Variants in ARMC2 observed in about 807,000 individuals in gnomAD.
The protein encoded by ARMC2 is armadillo repeat-containing protein 2.
A neutral mutation model predicts 90.3 loss-of-function variants in ARMC2; 67 were observed. The observed-to-expected ratio is 0.74, with a 90% CI of 0.61 to 0.91. The LOEUF is 0.91. Among genes scored for constraint, ARMC2 ranks in the 40% least tolerant of loss-of-function variants. The pLI is 0.00. For synonymous variants in ARMC2, 393 were observed against 393.0 expected (o/e 1.00, Z 0.00); for missense variants, 920 against 1,030.9 (o/e 0.89, Z 1.47).
At chr6:108,937,044 A>G in intron 12 of ARMC2, 45 bp downstream of exon 12, 1 of 1,454,102 alleles carries the variant, frequency 6.9e-7, no homozygotes, top group Non-Finnish European at 9.4e-7. Flanking sequence ...CTTTACACTA[A>G]TGTGTTTGTG....
chr6:108,916,060 C>T lies in ARMC2; in HGVS notation c.1350+3502C>T, dbSNP rs62427188. Among the ~76,000 whole-genome samples, 702 of 132,156 alleles carry T rather than the reference C, an allele frequency of 5.3e-3. 15 individuals carry two copies. The East Asian group carries it at 0.091, about 17-fold the overall frequency. The allele number at this position is 132,156 out of a possible 152,430, so 86.7% of individuals were successfully genotyped here. A position where few individuals can be genotyped will look rare whatever the true frequency, so the allele number is the denominator to read the frequency against. On this transcript the variant is annotated intron_variant, in intron 10 of 17. Transcript: ENST00000392644. ...GAAGGAAAAGCTCCTTCAAAGCAGA[C>T]GGACTAATGTTGCTTAGAGGAAAAA... is the stretch of plus-strand genomic sequence containing the variant.
At chr6:108,874,326 C>T (rs769314781) in intron 4 of ARMC2, among the ~76,000 whole-genome samples, 2 of 152,204 alleles carry the variant, frequency 1.3e-5, no homozygotes, top group Non-Finnish European at 2.9e-5. Context: ...GACTTGTTCA[C>T]CATGGCTTCA....
intron 8 of ARMC2, chr6:108,907,767 C>A: frequency 6.2e-7 from 1 of 1,610,908 alleles, no homozygotes; most frequent in East Asian, 2.2e-5. Flanking sequence ...TGAAACGCTC[C>A]GAAAATGCCA....
chr6:108,908,096 C>T (rs1483533077), intron 8 of ARMC2, among the ~76,000 whole-genome samples: 1 of 151,958 alleles, frequency 6.6e-6, no homozygotes, highest in Non-Finnish European at 1.5e-5. Context: ...CACATGCATC[C>T]CCTGGGGATC....
chr6:108,920,526 G>A (rs1174862122), intron 10 of ARMC2, among the ~76,000 whole-genome samples: 3 of 152,142 alleles, frequency 2.0e-5, no homozygotes, highest in Non-Finnish European at 4.4e-5. Flanking sequence ...TCCTAGGAAG[G>A]AGCTGTCTAT....
rs1583049016 is a variant in ARMC2 at position 108,899,573 on chromosome 6, C to A, written c.749-121C>A. On this transcript the variant is annotated intron_variant, in intron 6 of 17. Transcript: ENST00000392644. Reference sequence around the variant, plus strand: ...ATGAGAAATAGTCAGGCTTGGAGAGCAAAGGGTAATTTAATTCTCTAGTTT... The same window carrying A: ...ATGAGAAATAGTCAGGCTTGGAGAGAAAAGGGTAATTTAATTCTCTAGTTT... The A allele has an allele frequency of 1.9e-5, 14 of 749,162 alleles. No homozygotes were observed. In the East Asian group the frequency reaches 3.8e-4, roughly 20 times the overall value. 46.4% of individuals were successfully genotyped at this position (749,162 alleles called of 1,614,324 possible).
intron 10 of ARMC2, among the ~76,000 whole-genome samples, chr6:108,924,500 A>G (rs9717246): frequency 7.8e-4 from 8 of 10,312 alleles, no homozygotes; most frequent in Admixed American, 2.6e-3. Flanking sequence ...AAGAAAAAAG[A>G]AAAAAATGAG....
rs114725190 is a variant in ARMC2, at chr6:108,892,370, C to T, written c.672-2097C>T. On this transcript the variant is annotated intron_variant, in intron 5 of 17. Transcript: ENST00000392644. ...GTATTTTTATTATGTACAAATAAAG[C>T]AGTTATTTCTGAATATTAATTAGAC... is the stretch of plus-strand genomic sequence containing the variant. Among the ~76,000 whole-genome samples, 633 of 152,092 alleles carry T rather than the reference C, an allele frequency of 4.2e-3. 4 individuals carry two copies. Among genetic ancestry groups the T allele is most frequent in the African/African-American group, 0.014 (594 of 41,466 alleles).
chr6:109,003,214 A>C, the ARMC2 span, among the ~76,000 whole-genome samples: 16 of 151,520 alleles, frequency 1.1e-4, no homozygotes, highest in Non-Finnish European at 1.8e-4. Context: ...TCATTTAAAA[A>C]TTTTTTTTAG....
At chr6:108,937,417 A>G (rs1459993751) in intron 12 of ARMC2, among the ~76,000 whole-genome samples, 1 of 152,096 alleles carries the variant, frequency 6.6e-6, no homozygotes, top group African/African-American at 2.4e-5. Context: ...AGCCATCTGC[A>G]TTTTAACAAG....
the ARMC2 span, among the ~76,000 whole-genome samples, chr6:109,008,341 T>C: frequency 6.6e-6 from 1 of 152,242 alleles, no homozygotes; most frequent in Non-Finnish European, 1.5e-5. Context: ...CTGTTTTCAC[T>C]TTTTGGTAAA....
chr6:108,966,676 A>C (rs1778398192), intron 17 of ARMC2, among the ~76,000 whole-genome samples: 1 of 152,070 alleles, frequency 6.6e-6, no homozygotes, highest in Non-Finnish European at 1.5e-5. Flanking sequence ...ATGAGCATTA[A>C]ACTGACTCAG....
At chr6:108,892,782 G>A (rs1364913387) in intron 5 of ARMC2, among the ~76,000 whole-genome samples, 1 of 150,910 alleles carries the variant, frequency 6.6e-6, no homozygotes, top group African/African-American at 2.4e-5. Context: ...AAAAAAGGTG[G>A]GGGGAACATG....
the ARMC2 span, among the ~76,000 whole-genome samples, chr6:108,981,905 G>A: frequency 3.9e-5 from 6 of 152,086 alleles, no homozygotes; most frequent in African/African-American, 1.4e-4. Flanking sequence ...GGCCTCAAGT[G>A]ATCCACCTGC....
At chr6:109,042,647 T>C in the ARMC2 span, among the ~76,000 whole-genome samples, 3 of 151,904 alleles carry the variant, frequency 2.0e-5, no homozygotes, top group African/African-American at 7.2e-5. Flanking sequence ...CATAACTCCA[T>C]AACTCACCTA....
the ARMC2 span, chr6:108,987,743 G>T: frequency 1.9e-6 from 1 of 526,514 alleles, no homozygotes; most frequent in Non-Finnish European, 3.4e-6. Context: ...TTCCTATGTA[G>T]TACAGCATAA....
At chr6:108,862,372 CA>C (rs1775358842) in intron 3 of ARMC2, among the ~76,000 whole-genome samples, 1 of 112,144 alleles carries the variant, frequency 8.9e-6, no homozygotes, top group South Asian at 2.9e-4. Flanking sequence ...AAAAAACAAA[CA>C]AAACCAAAAA....
intron 10 of ARMC2, among the ~76,000 whole-genome samples, chr6:108,917,974 C>T (rs1774142928): frequency 6.6e-6 from 1 of 152,180 alleles, no homozygotes; most frequent in Admixed American, 6.5e-5. Context: ...AGCTACTGCT[C>T]CCGGCCGAAA....
intron 10 of ARMC2, among the ~76,000 whole-genome samples, chr6:108,923,843 C>T (rs1453186045): frequency 1.3e-5 from 2 of 152,246 alleles, no homozygotes; most frequent in East Asian, 3.9e-4. Context: ...AGCTCCCGCA[C>T]TTTCTTGCCA....
Sources: gnomAD v4.1 joint callset for allele counts (sites outside exome capture counted in the v4.1 genomes callset) on GRCh38, gnomAD v4.1.1 for gene constraint, MANE v1.5 for transcripts, NCBI Gene and HGNC (gene_info 2026-07-23, HGNC 2026-07-21) for gene names.